CCDC178: variants seen among roughly 807,000 people sequenced by gnomAD.
CCDC178 encodes coiled-coil domain containing 178.
In CCDC178, 126 loss-of-function variants were observed where a neutral mutation model predicts 117.4. That is an observed-to-expected ratio of 1.07 (90% CI 0.93 to 1.24). The LOEUF is 1.24. Among genes scored for constraint, CCDC178 ranks in the 50% most tolerant of loss-of-function variants. CCDC178 has a pLI of 0.00. For synonymous variants in CCDC178, 283 were observed against 313.4 expected, an observed-to-expected ratio of 0.90 and a Z score of 1.02; for missense variants, 1,030 against 986.9, an observed-to-expected ratio of 1.04 and a Z score of -0.59.
chr18:32,982,892 A>C (rs1312493375), intron 21 of CCDC178, among the ~76,000 whole-genome samples: 1 of 152,134 alleles, frequency 6.6e-6, no homozygotes, highest in South Asian at 2.1e-4. Flanking sequence ...TGGCAGATAC[A>C]TGCCATTATA....
At chr18:33,159,126 T>G (rs2058435100) in intron 20 of CCDC178, among the ~76,000 whole-genome samples, 1 of 152,088 alleles carries the variant, frequency 6.6e-6, no homozygotes, top group Non-Finnish European at 1.5e-5. Context: ...TTATTATGGG[T>G]CACAGTTATA....
intron 20 of CCDC178, among the ~76,000 whole-genome samples, chr18:33,150,848 T>C (rs1041716952): frequency 6.6e-6 from 1 of 152,168 alleles, no homozygotes; most frequent in Non-Finnish European, 1.5e-5. Flanking sequence ...GCAGCACATT[T>C]CACAATTGTA....
chr18:33,349,766 T>A (rs1303787397), intron 7 of CCDC178, among the ~76,000 whole-genome samples: 3 of 151,870 alleles, frequency 2.0e-5, no homozygotes, highest in African/African-American at 7.2e-5. Context: ...TTAAGAAAAC[T>A]GTATACATAC....
chr18:33,285,628 A>G (rs892519786), intron 12 of CCDC178, among the ~76,000 whole-genome samples: 34 of 152,148 alleles, frequency 2.2e-4, no homozygotes, highest in African/African-American at 8.2e-4. Flanking sequence ...ATAAACCATA[A>G]CCAAGCAGAG....
At chr18:33,090,125 C>T (rs192866116) in intron 21 of CCDC178, among the ~76,000 whole-genome samples, 147 of 152,200 alleles carry the variant, frequency 9.7e-4, no homozygotes, top group Middle Eastern at 6.8e-3. Context: ...AATACTATAG[C>T]ATTCTAACAT....
intron 21 of CCDC178, among the ~76,000 whole-genome samples, chr18:32,987,182 T>C (rs1363624931): frequency 1.3e-5 from 2 of 151,920 alleles, no homozygotes; most frequent in African/African-American, 4.8e-5. Flanking sequence ...ATATATGGAT[T>C]ACATTTTTCA....
At chr18:33,313,928 C>T (rs901384909) in intron 11 of CCDC178, among the ~76,000 whole-genome samples, 2 of 151,942 alleles carry the variant, frequency 1.3e-5, no homozygotes, top group Admixed American at 6.6e-5. Context: ...GGGCCGGGCG[C>T]GGTGGCTCAC....
chr18:33,185,909 G>A (rs1312958540), intron 20 of CCDC178, among the ~76,000 whole-genome samples: 1 of 151,074 alleles, frequency 6.6e-6, no homozygotes, highest in Non-Finnish European at 1.5e-5. Context: ...AATGGGTATT[G>A]TTTGAAAGAA....
chr18:32,957,045 T>C lies in CCDC178; in HGVS notation c.2523+17502A>G, dbSNP rs367602635. On this transcript the variant is annotated intron_variant, in intron 22 of 22. Transcript: ENST00000383096. The stretch of plus-strand genomic sequence containing the variant: ...ATACAGTAAAGATAACATTTCATAA[T>C]CCAACCTCAGCCCTGGATTTTGACT... Among the ~76,000 whole-genome samples, 5 of 152,268 alleles carry C rather than the reference T, an allele frequency of 3.3e-5. No homozygotes were observed. The East Asian group carries it at 9.7e-4, about 29-fold the overall frequency.
Position 33,012,469 on chromosome 18 carries a change from T to C in CCDC178, c.2389-37788A>G, listed in dbSNP as rs539621636. On this transcript the variant is annotated intron_variant, in intron 21 of 22. Coordinates refer to ENST00000383096, the MANE Select transcript of CCDC178 (RefSeq NM_001105528.4). ...ATATGATTTTTGCCAGCTATTAAAA[T>C]ATTTCAACTTTACCTTAAATAAAAA... Among the ~76,000 whole-genome samples the C allele has an allele frequency of 2.0e-5, 3 of 152,306 alleles. No individual in the cohort carries two copies. In the South Asian group the frequency reaches 6.2e-4, roughly 32 times the overall value.
chr18:33,132,312 T>C (rs2058075844), intron 20 of CCDC178, among the ~76,000 whole-genome samples: 1 of 151,786 alleles, frequency 6.6e-6, no homozygotes, highest in Non-Finnish European at 1.5e-5. Context: ...TTCAAGAATG[T>C]ACTAGACATG....
chr18:33,026,355 G>A (rs890089464), intron 21 of CCDC178, among the ~76,000 whole-genome samples: 1 of 152,030 alleles, frequency 6.6e-6, no homozygotes, highest in East Asian at 1.9e-4. Context: ...ACCATTAGGG[G>A]AAAGTGAGTA....
intron 21 of CCDC178, among the ~76,000 whole-genome samples, chr18:33,008,541 G>T (rs1185871290): frequency 6.6e-6 from 1 of 151,814 alleles, no homozygotes; most frequent in Admixed American, 6.6e-5. Flanking sequence ...TTGTATTCGT[G>T]TACAAATATT....
rs1039387201 is a variant in CCDC178 at position 33,397,215 on chromosome 18, A to G, written c.59-7T>C. On this transcript the variant is annotated splice_polypyrimidine_tract_variant and splice_region_variant and intron_variant, in intron 3 of 22. Coordinates refer to ENST00000383096, the MANE Select transcript of CCDC178 (RefSeq NM_001105528.4). ...ACTTCCTGACATGTTAAACCTATAA[A>G]AGGTAAAATAAAACAAAATAAAATA... The G allele has an allele frequency of 8.9e-5, 142 of 1,590,422 alleles. No individual in the cohort carries two copies. The highest frequency in any genetic ancestry group is 1.2e-4 in the Non-Finnish European group (140 of 1,161,596).
chr18:33,304,760 A>C (rs1457053034), intron 11 of CCDC178, among the ~76,000 whole-genome samples: 1 of 152,170 alleles, frequency 6.6e-6, no homozygotes, highest in Non-Finnish European at 1.5e-5. Context: ...CTTTATTATA[A>C]TGTCATTTTC....
chr18:33,096,502 T>C (rs937942519), intron 20 of CCDC178, among the ~76,000 whole-genome samples: 6 of 151,648 alleles, frequency 4.0e-5, no homozygotes, highest in African/African-American at 1.5e-4. Context: ...ATTCCACATA[T>C]AATAAATAAC....
chr18:33,019,274 T>C (rs1431379781), intron 21 of CCDC178, among the ~76,000 whole-genome samples: 2 of 152,062 alleles, frequency 1.3e-5, no homozygotes, highest in Non-Finnish European at 2.9e-5. Flanking sequence ...CAAAGAAAGG[T>C]GGAGGGTACT....
intron 22 of CCDC178, among the ~76,000 whole-genome samples, chr18:32,957,092 A>G (rs1349497586): frequency 1.3e-5 from 2 of 152,202 alleles, no homozygotes; most frequent in Non-Finnish European, 2.9e-5. Context: ...CAGCTGGCTG[A>G]GAACTTTTTG....
chr18:32,968,877 T>G (rs1440175019), intron 22 of CCDC178, among the ~76,000 whole-genome samples: 5 of 152,002 alleles, frequency 3.3e-5, no homozygotes, highest in Non-Finnish European at 7.4e-5. Context: ...TCTGTTGTGG[T>G]TTTTTTCCTG....
Sources: allele counts gnomAD v4.1 joint callset (sites outside exome capture counted in the v4.1 genomes callset), GRCh38; gene constraint gnomAD v4.1.1; transcripts MANE v1.5; gene names NCBI Gene and HGNC (gene_info 2026-07-23, HGNC 2026-07-21).